Variants in MYO16 observed in about 807,000 individuals in gnomAD.
MYO16 encodes myosin XVI.
A neutral mutation model predicts 205.3 loss-of-function variants in MYO16; 94 were observed. The observed-to-expected ratio is 0.46, with a 90% CI of 0.39 to 0.54. The LOEUF (loss-of-function observed/expected upper bound fraction) is 0.54. Ranked by LOEUF, MYO16 falls within the 20% of genes least tolerant of loss-of-function variation. The pLI is 0.00. For synonymous variants in MYO16, 988 were observed against 954.0 expected (o/e 1.04, Z -0.66); for missense variants, 2,315 against 2,387.5 (o/e 0.97, Z 0.63).
At chr13:108,863,003 T>A (rs1400170140) in intron 11 of MYO16, among the ~76,000 whole-genome samples, 1 of 152,172 alleles carries the variant, frequency 6.6e-6, no homozygotes, top group Non-Finnish European at 1.5e-5. Flanking sequence ...AAAATTATTT[T>A]CTAATTGTTC....
At position 109,127,249 on chromosome 13, in the gene MYO16, C is replaced by A. The variant is rs763689340; in HGVS notation, c.3783-33C>A. 1.3e-6 allele frequency: 2 copies of A among 1,541,694 alleles called. No individual in the cohort carries two copies. Among genetic ancestry groups the A allele is most frequent in the Middle Eastern group, 1.8e-4 (1 of 5,698 alleles). ...GAATAATGCATCTGGGCCTCTCTGG[C>A]GTGGTGCTGTTTGTGTTTTGTTTCC... On this transcript the variant is annotated intron_variant, in intron 30 of 34. Transcript: ENST00000457511. The surrounding 1 kb of genome is among the most constrained non-coding windows in gnomAD (Gnocchi z 4.2).
At chr13:109,100,013 C>G (rs1430886709) in intron 27 of MYO16, among the ~76,000 whole-genome samples, 1 of 152,194 alleles carries the variant, frequency 6.6e-6, no homozygotes, top group Non-Finnish European at 1.5e-5. Context: ...CAGAAGGCAA[C>G]AGGATGCAAC....
intron 32 of MYO16, among the ~76,000 whole-genome samples, chr13:109,151,966 G>A (rs1877696077): frequency 6.6e-6 from 1 of 152,178 alleles, no homozygotes; most frequent in African/African-American, 2.4e-5. Flanking sequence ...TTTAACAGCA[G>A]GATGGAGGGG....
At chr13:108,819,257 G>A (rs531024484) in intron 7 of MYO16, among the ~76,000 whole-genome samples, 18 of 152,130 alleles carry the variant, frequency 1.2e-4, no homozygotes, top group Non-Finnish European at 1.2e-4. Context: ...TGATATATTT[G>A]TACAATACTA....
At chr13:108,559,691 C>G in the MYO16 span, among the ~76,000 whole-genome samples, 1 of 151,648 alleles carries the variant, frequency 6.6e-6, no homozygotes, top group Non-Finnish European at 1.5e-5. Flanking sequence ...CGGATGGTCT[C>G]GATCTCCTGA....
chr13:108,727,871 G>T (rs1884394870), intron 4 of MYO16, among the ~76,000 whole-genome samples: 1 of 152,106 alleles, frequency 6.6e-6, no homozygotes, highest in African/African-American at 2.4e-5. Flanking sequence ...TGATAATTTT[G>T]CTTTTCAATT....
intron 4 of MYO16, among the ~76,000 whole-genome samples, chr13:108,785,353 C>T (rs1295517420): frequency 4.6e-5 from 7 of 152,108 alleles, no homozygotes; most frequent in African/African-American, 1.7e-4. Context: ...GGTTTGCAGC[C>T]ACACACTAGA....
intron 28 of MYO16, among the ~76,000 whole-genome samples, chr13:109,114,129 C>A (rs772652400): frequency 2.0e-5 from 3 of 152,166 alleles, no homozygotes; most frequent in Non-Finnish European, 4.4e-5. Context: ...ACAGAGATGA[C>A]AGACACACAG....
rs372239267 is a variant in MYO16, at chr13:108,919,172, A to G, written c.1925+9022A>G. 1.8e-4 allele frequency among the ~76,000 whole-genome samples: 27 copies of G among 152,288 alleles called. No individual in the cohort carries two copies. The East Asian group carries it at 5.0e-3, about 28-fold the overall frequency. ...ATGTGTATAAAAAAGAGGTGCCACG[A>G]GCATTGTGGCTATCATGTCTTTTTC... On this transcript the variant is annotated intron_variant, in intron 16 of 34. Coordinates refer to ENST00000457511, the MANE Select transcript of MYO16 (RefSeq NM_001198950.3).
At chr13:108,656,297 C>T (rs1310301048) in intron 1 of MYO16, among the ~76,000 whole-genome samples, 8 of 152,240 alleles carry the variant, frequency 5.3e-5, no homozygotes, top group Non-Finnish European at 1.0e-4. Context: ...TCCATTTTTG[C>T]ATCTTCCTCA....
intron 4 of MYO16, among the ~76,000 whole-genome samples, chr13:108,753,927 G>A (rs889362741): frequency 6.6e-6 from 1 of 152,214 alleles, no homozygotes; most frequent in African/African-American, 2.4e-5. Flanking sequence ...CAATGTGTGT[G>A]TGTTGATATT....
chr13:108,570,008 T>C, the MYO16 span, among the ~76,000 whole-genome samples: 2 of 152,188 alleles, frequency 1.3e-5, no homozygotes, highest in Non-Finnish European at 2.9e-5. Flanking sequence ...ATAATACTTC[T>C]CAAATGTTCC....
At chr13:108,969,138 G>A (rs781359212) in intron 20 of MYO16, among the ~76,000 whole-genome samples, 8 of 152,136 alleles carry the variant, frequency 5.3e-5, no homozygotes, top group African/African-American at 9.7e-5. Context: ...CGAGAGTATA[G>A]CCCTGAACTT....
intron 13 of MYO16, among the ~76,000 whole-genome samples, chr13:108,886,287 C>A (rs1385445057): frequency 6.6e-6 from 1 of 151,076 alleles, no homozygotes; most frequent in African/African-American, 2.4e-5. Flanking sequence ...GCGCCCGGCC[C>A]TCCTTTGGGT....
intron 1 of MYO16, among the ~76,000 whole-genome samples, chr13:108,633,913 C>T (rs1274923636): frequency 6.6e-6 from 1 of 152,174 alleles, no homozygotes; most frequent in South Asian, 2.1e-4. Context: ...CCATATCCTG[C>T]TCTCCGCCTG....
chr13:108,597,862 AT>A (rs1175689436), intron 1 of MYO16, among the ~76,000 whole-genome samples: 1 of 152,188 alleles, frequency 6.6e-6, no homozygotes, highest in Non-Finnish European at 1.5e-5. Flanking sequence ...TGGAAAACCA[AT>A]TCATATTATT....
Position 108,903,175 on chromosome 13 carries a change from A to G in MYO16, c.1777+5042A>G, listed in dbSNP as rs529755577. Among the ~76,000 whole-genome samples, 5 of 152,350 alleles carry G rather than the reference A, an allele frequency of 3.3e-5. No homozygotes were observed. In the South Asian group the frequency reaches 1.0e-3, roughly 32 times the overall value. On this transcript the variant is annotated intron_variant, in intron 15 of 34. Transcript: ENST00000457511. ...AAAGTTCTCAACTTAATAAGGAAAG[A>G]AAACAAATTGTATGCTGAGGTTGCT...
intron 21 of MYO16, among the ~76,000 whole-genome samples, chr13:108,994,608 A>C (rs1416172215): frequency 6.6e-6 from 1 of 152,176 alleles, no homozygotes; most frequent in Non-Finnish European, 1.5e-5. Flanking sequence ...TGCTTAACAA[A>C]TCAATGCTGT....
intron 15 of MYO16, among the ~76,000 whole-genome samples, 200 bp from the exon 16 acceptor site, chr13:108,909,803 T>A (rs1369858004): frequency 6.6e-6 from 1 of 152,182 alleles, no homozygotes; most frequent in African/African-American, 2.4e-5. Context: ...CAAGGAAGGA[T>A]GTCCCCTTAA....
Sources: allele counts gnomAD v4.1 joint callset (sites outside exome capture counted in the v4.1 genomes callset), GRCh38; gene constraint gnomAD v4.1.1; non-coding constraint Gnocchi (gnomAD v3.1); transcripts MANE v1.5; gene names NCBI Gene and HGNC (gene_info 2026-07-23, HGNC 2026-07-21).